Variants in SGCD observed in about 807,000 individuals in gnomAD.
The protein encoded by SGCD is sarcoglycan delta.
Under a neutral mutation model 36.6 loss-of-function variants are expected in SGCD, and 18 were observed. The ratio of observed to expected loss-of-function variants is 0.49; its 90% CI spans 0.34 to 0.73. The LOEUF (loss-of-function observed/expected upper bound fraction) is 0.73, where lower values mean the gene tolerates loss of function less well. SGCD is among the 30% of genes least tolerant of loss of function. The probability of loss-of-function intolerance (pLI) is 0.01; values close to 1 mark genes in which losing one functional copy is unlikely to be tolerated. For missense variants in SGCD, 387 were observed against 346.7 expected (o/e 1.12, Z -0.92); for synonymous variants, 133 against 130.6 (o/e 1.02, Z -0.12).
intron 1 of SGCD, among the ~76,000 whole-genome samples, chr5:156,074,756 T>A (rs1001305035): frequency 1.3e-5 from 2 of 152,212 alleles, no homozygotes; most frequent in African/African-American, 4.8e-5. Flanking sequence ...ACAGAGCACT[T>A]CACAGACTAC....
chr5:156,243,060 G>T lies in SGCD; in HGVS notation c.-43-86474G>T, dbSNP rs1765343576. On this transcript the variant is annotated intron_variant, in intron 3 of 9. Coordinates refer to the SGCD transcript ENST00000517913. Reference sequence around the variant, plus strand: ...GGTGCATGAGAAGATGCCAGAACTTGACCACGGAGAGGACTGTGTCTGCAC... The same window carrying T: ...GGTGCATGAGAAGATGCCAGAACTTTACCACGGAGAGGACTGTGTCTGCAC... Among the ~76,000 whole-genome samples the T allele has an allele frequency of 3.3e-5, 5 of 152,218 alleles. No individual in the cohort carries two copies. In the South Asian group the frequency reaches 8.3e-4, roughly 25 times the overall value.
intron 3 of SGCD, among the ~76,000 whole-genome samples, chr5:156,143,741 T>G: frequency 6.6e-6 from 1 of 152,162 alleles, no homozygotes; most frequent in African/African-American, 2.4e-5. Context: ...TTTGCAATTT[T>G]TTTTTTAAAT....
chr5:156,010,439 A>G (rs1308940221), intron 1 of SGCD, among the ~76,000 whole-genome samples: 2 of 152,214 alleles, frequency 1.3e-5, no homozygotes, highest in Non-Finnish European at 2.9e-5. Flanking sequence ...TTAAAATCCA[A>G]TTAATACATA....
chr5:156,329,089 T>C (rs1229360191), intron 1 of SGCD, among the ~76,000 whole-genome samples: 1 of 152,100 alleles, frequency 6.6e-6, no homozygotes, highest in East Asian at 1.9e-4. Flanking sequence ...TCTCTCTTTT[T>C]TAGAAGTAAA....
chr5:155,847,780 A>T, the SGCD span, among the ~76,000 whole-genome samples: 1,464 of 152,290 alleles, frequency 9.6e-3, 23 homozygotes, highest in African/African-American at 0.034. Context: ...CTCCAACTGT[A>T]CAAGCCATTT....
At chr5:156,376,780 A>G (rs76717701) in intron 3 of SGCD, among the ~76,000 whole-genome samples, 5,267 of 152,238 alleles carry the variant, frequency 0.035, 240 homozygotes, top group African/African-American at 0.097. Flanking sequence ...ATAGTCTCCA[A>G]ATTTACCAGG....
chr5:156,198,652 C>T (rs1764076777), intron 3 of SGCD, among the ~76,000 whole-genome samples: 1 of 152,018 alleles, frequency 6.6e-6, no homozygotes. Flanking sequence ...TAGTTTTTCC[C>T]TTAGTTGGTT....
chr5:156,203,962 G>A (rs79490399), intron 3 of SGCD, among the ~76,000 whole-genome samples: 227 of 152,212 alleles, frequency 1.5e-3, no homozygotes, highest in African/African-American at 5.1e-3. Flanking sequence ...TATTGCATAT[G>A]TATCATGTGC....
intron 3 of SGCD, among the ~76,000 whole-genome samples, chr5:156,311,092 G>A (rs1322871907): frequency 6.6e-6 from 1 of 152,126 alleles, no homozygotes; most frequent in Non-Finnish European, 1.5e-5. Flanking sequence ...TGTTAAAGGT[G>A]GATGAAATTC....
the SGCD span, among the ~76,000 whole-genome samples, chr5:155,772,761 AT>A: frequency 6.6e-6 from 1 of 152,010 alleles, no homozygotes; most frequent in East Asian, 1.9e-4. Context: ...ATGAGTTACT[AT>A]TATTATTTTT....
rs113283247 is a variant in SGCD at position 155,916,021 on chromosome 5, T to G, written c.-282+45597T>G. Reference sequence around the variant, plus strand: ...GAAAAATACTTTACAGAATTAATTATCTTCACTTAAGCAGCCATTTTTACA... The same window carrying G: ...GAAAAATACTTTACAGAATTAATTAGCTTCACTTAAGCAGCCATTTTTACA... On this transcript the variant is annotated intron_variant, in intron 1 of 9. Transcript: ENST00000517913. 7.8e-3 allele frequency among the ~76,000 whole-genome samples: 1,187 copies of G among 152,306 alleles called. 10 individuals are homozygous for G. Among genetic ancestry groups the G allele is most frequent in the Non-Finnish European group, 0.014 (953 of 68,016 alleles).
intron 4 of SGCD, among the ~76,000 whole-genome samples, chr5:156,534,016 G>A (rs775528484): frequency 1.3e-5 from 2 of 152,040 alleles, no homozygotes; most frequent in Non-Finnish European, 2.9e-5. Flanking sequence ...TGCAGTAGGT[G>A]TTCATGTCAA....
At chr5:156,567,734 A>G (rs1212864480) in intron 4 of SGCD, among the ~76,000 whole-genome samples, 1 of 152,222 alleles carries the variant, frequency 6.6e-6, no homozygotes, top group African/African-American at 2.4e-5. Context: ...TGATTTGTCT[A>G]ATGCATACTT....
chr5:155,978,975 C>CGGCCCT (rs1045935398), intron 1 of SGCD, among the ~76,000 whole-genome samples: 1 of 152,138 alleles, frequency 6.6e-6, no homozygotes, highest in African/African-American at 2.4e-5. Flanking sequence ...TAAAGTTGGA[C>CGGCCCT]GGTCCTGGTC....
At chr5:156,620,925 G>T (rs773277331) in intron 6 of SGCD, among the ~76,000 whole-genome samples, 11 of 152,116 alleles carry the variant, frequency 7.2e-5, no homozygotes, top group Non-Finnish European at 1.3e-4. Flanking sequence ...TATTATTTTG[G>T]TTCTGAAAGT....
intron 1 of SGCD, among the ~76,000 whole-genome samples, chr5:156,096,018 C>G (rs181218844): frequency 6.6e-6 from 1 of 152,184 alleles, no homozygotes; most frequent in African/African-American, 2.4e-5. Context: ...TTTCCTTGTA[C>G]CAGTGAAACA....
intron 1 of SGCD, among the ~76,000 whole-genome samples, chr5:155,896,022 C>T (rs142816784): frequency 6.6e-4 from 100 of 152,348 alleles, no homozygotes; most frequent in African/African-American, 2.2e-3. Context: ...GACAACCATG[C>T]GTATCCTGAC....
chr5:156,531,524 G>A (rs528342942), intron 4 of SGCD, among the ~76,000 whole-genome samples: 1 of 152,264 alleles, frequency 6.6e-6, no homozygotes, highest in African/African-American at 2.4e-5. Context: ...TGTGGGTAAA[G>A]ACACTGGAAA....
At chr5:156,455,570 G>A (rs1005905442) in intron 3 of SGCD, among the ~76,000 whole-genome samples, 1 of 151,882 alleles carries the variant, frequency 6.6e-6, no homozygotes, top group African/African-American at 2.4e-5. Flanking sequence ...GCCTCCTTCG[G>A]TAGGAAAGGT....
Sources: allele counts gnomAD v4.1 joint callset (sites outside exome capture counted in the v4.1 genomes callset), GRCh38; gene constraint gnomAD v4.1.1; transcripts MANE v1.5; gene names NCBI Gene and HGNC (gene_info 2026-07-23, HGNC 2026-07-21).